The following CDC16 variants were observed in gnomAD, a reference collection of about 807,000 sequenced individuals.
The protein encoded by CDC16 is cell division cycle protein 16 homolog.
A neutral mutation model predicts 87.0 loss-of-function variants in CDC16; 34 were observed. The ratio of observed to expected loss-of-function variants is 0.39; its 90% CI spans 0.30 to 0.52. The LOEUF is 0.52. Ranked by LOEUF, CDC16 falls within the 20% of genes least tolerant of loss-of-function variation. The probability of loss-of-function intolerance (pLI) is 0.74; values close to 1 mark genes in which losing one functional copy is unlikely to be tolerated. For missense variants in CDC16, 653 were observed against 751.9 expected (o/e 0.87, Z 1.54); for synonymous variants, 263 against 260.6 (o/e 1.01, Z -0.09).
intron 11 of CDC16, among the ~76,000 whole-genome samples, chr13:114,249,271 C>T: frequency 6.6e-6 from 1 of 151,842 alleles, no homozygotes; most frequent in East Asian, 1.9e-4. Flanking sequence ...TCTGATCTGA[C>T]AGGAGGCAGA....
intron 6 of CDC16, chr13:114,242,796 A>G (rs1483820835): frequency 6.1e-6 from 1 of 163,772 alleles, no homozygotes; most frequent in East Asian, 1.8e-4. Context: ...TTCTCAACCA[A>G]CCAGAGTGAT....
intron 17 of CDC16, among the ~76,000 whole-genome samples, chr13:114,267,059 CAAAGG>C (rs1325516708): frequency 6.6e-6 from 1 of 152,040 alleles, no homozygotes; most frequent in African/African-American, 2.4e-5. Flanking sequence ...AATCTATAGA[CAAAGG>C]AATACATGAG....
chr13:114,255,910 G>T (rs1050934465), intron 12 of CDC16, among the ~76,000 whole-genome samples: 2 of 152,232 alleles, frequency 1.3e-5, no homozygotes, highest in African/African-American at 2.4e-5. Flanking sequence ...GGGATTACAG[G>T]TATGAGCCCA....
intron 17 of CDC16, 116 bp downstream of exon 17, chr13:114,265,356 C>T (rs1330888541): frequency 2.2e-5 from 15 of 694,420 alleles, no homozygotes; most frequent in Admixed American, 9.0e-5. Flanking sequence ...TCTAACCATT[C>T]GTGCTGCATT....
chr13:114,261,968 T>G lies in CDC16; in HGVS notation c.1376+20T>G, dbSNP rs2082884467. On this transcript the variant is annotated intron_variant, in intron 15 of 17. Coordinates refer to ENST00000356221, the MANE Select transcript of CDC16 (RefSeq NM_001078645.3). ...ACTTAAGTAAGTGAAGTAGAGCATT[T>G]TCAGAAATATACTTTGTGTCTCAAA... 1.3e-6 allele frequency: 2 copies of G among 1,486,748 alleles called. No individual in the cohort carries two copies. Among genetic ancestry groups the G allele is most frequent in the Non-Finnish European group, 1.9e-6 (2 of 1,075,188 alleles). 92.1% of individuals were successfully genotyped at this position (1,486,748 alleles called of 1,614,324 possible).
At chr13:114,262,504 A>G (rs1455878360) in intron 15 of CDC16, among the ~76,000 whole-genome samples, 1 of 152,218 alleles carries the variant, frequency 6.6e-6, no homozygotes, top group Non-Finnish European at 1.5e-5. Flanking sequence ...TTTGGACCTT[A>G]AAGCGATACT....
At chr13:114,254,753 GC>G (rs1327827870) in intron 12 of CDC16, among the ~76,000 whole-genome samples, 2 of 152,146 alleles carry the variant, frequency 1.3e-5, no homozygotes, top group African/African-American at 4.8e-5. Context: ...ATCTAAATGG[GC>G]TTCCTCCTCT....
intron 5 of CDC16, among the ~76,000 whole-genome samples, chr13:114,240,149 A>G (rs1180138330): frequency 6.6e-6 from 1 of 152,128 alleles, no homozygotes; most frequent in Non-Finnish European, 1.5e-5. Flanking sequence ...GAATATTTTT[A>G]TTATTCAGAA....
intron 17 of CDC16, among the ~76,000 whole-genome samples, chr13:114,265,585 CATT>C (rs1255183822): frequency 2.6e-5 from 4 of 152,296 alleles, no homozygotes; most frequent in Admixed American, 6.5e-5. Flanking sequence ...GAGGCTCTGT[CATT>C]ATTTTATAAT....
At chr13:114,248,011 T>C (rs1009929629) in intron 11 of CDC16, among the ~76,000 whole-genome samples, 7 of 152,262 alleles carry the variant, frequency 4.6e-5, no homozygotes, top group African/African-American at 1.7e-4. Flanking sequence ...TTATTAATAG[T>C]TGTGAAATTA....
chr13:114,243,317 T>C lies in CDC16; in HGVS notation c.602T>C (p.Leu201Pro), dbSNP rs757788445. 1 of 1,585,176 alleles carries C rather than the reference T, an allele frequency of 6.3e-7. No homozygotes were observed. Among genetic ancestry groups the C allele is most frequent in the Non-Finnish European group, 8.7e-7 (1 of 1,154,004 alleles). The change falls in exon 7 of 18, where the codon CTG (leucine) becomes CCG (proline). Residue 201 changes from leucine to proline, a missense_variant. Physicochemically the swap from Leu to Pro is moderately conservative, Grantham distance 98. Coordinates refer to ENST00000356221, the MANE Select transcript of CDC16 (RefSeq NM_001078645.3). ...SKLCNEEQEL[L>P]RFLFENKLKK... ...CTGTGTAATGAAGAACAGGAATTGC[T>C]GCGTTTTCTATTTGAGAACAAATTG...
chr13:114,252,093 A>G (rs1418212718), intron 12 of CDC16, among the ~76,000 whole-genome samples: 1 of 150,554 alleles, frequency 6.6e-6, no homozygotes, highest in Non-Finnish European at 1.5e-5. Context: ...GCCCTGTTGG[A>G]TAAGAGCCCT....
At chr13:114,240,594 G>A (rs936136494) in intron 5 of CDC16, among the ~76,000 whole-genome samples, 5 of 152,184 alleles carry the variant, frequency 3.3e-5, no homozygotes, top group South Asian at 2.1e-4. Context: ...CTGGGCTCAA[G>A]TGATCCTCCT....
intron 5 of CDC16, among the ~76,000 whole-genome samples, chr13:114,240,354 C>T (rs915303342): frequency 1.3e-5 from 2 of 152,060 alleles, no homozygotes; most frequent in Admixed American, 6.5e-5. Flanking sequence ...GGACTACAGG[C>T]GCCCGCCACC....
chr13:114,257,430 C>CT (rs915526010), intron 13 of CDC16, among the ~76,000 whole-genome samples, 200 bp downstream of exon 13: 9 of 152,076 alleles, frequency 5.9e-5, no homozygotes, highest in Non-Finnish European at 1.3e-4. Context: ...AGGTTTTGGT[C>CT]TTTTTTTGAT....
rs2081179462 is a variant in CDC16, at chr13:114,235,141, C to T, written c.48+9C>T. On this transcript the variant is annotated intron_variant, in intron 1 of 17. Coordinates refer to ENST00000356221, the MANE Select transcript of CDC16 (RefSeq NM_001078645.3). ...GGCAGTACCTCGACCAGGTGGGCGG[C>T]CCCGACTCGGGGTGCGGGGCCCAGG... 3.2e-6 allele frequency: 4 copies of T among 1,242,518 alleles called. No homozygotes were observed. Among genetic ancestry groups the T allele is most frequent in the Admixed American group, 4.2e-5 (1 of 24,016 alleles). The allele number at this position is 1,242,518 out of a possible 1,614,324, so 77.0% of individuals were successfully genotyped here. A position where few individuals can be genotyped will look rare whatever the true frequency, so the allele number is the denominator to read the frequency against.
chr13:114,259,697 C>T (rs1239790661), intron 14 of CDC16, among the ~76,000 whole-genome samples: 2 of 152,170 alleles, frequency 1.3e-5, no homozygotes, highest in African/African-American at 4.8e-5. Flanking sequence ...CATTGGGTCA[C>T]GGAAACAATT....
chr13:114,235,319 G>A (rs1051151597), intron 1 of CDC16, among the ~76,000 whole-genome samples, 187 bp downstream of exon 1: 1 of 152,174 alleles, frequency 6.6e-6, no homozygotes, highest in African/African-American at 2.4e-5. Context: ...GCAGCTGGGA[G>A]GGGCACAGCC....
At chr13:114,260,828 C>T (rs1030321801) in intron 14 of CDC16, among the ~76,000 whole-genome samples, 7 of 152,240 alleles carry the variant, frequency 4.6e-5, no homozygotes, top group African/African-American at 1.7e-4. Flanking sequence ...GAACTGGTCT[C>T]AATAGAGTTA....
Sources: gnomAD v4.1 joint callset for allele counts (sites outside exome capture counted in the v4.1 genomes callset) on GRCh38, gnomAD v4.1.1 for gene constraint, MANE v1.5 for transcripts, NCBI Gene and HGNC (gene_info 2026-07-23, HGNC 2026-07-21) for gene names.